SPAG16: variants seen among roughly 807,000 people sequenced by gnomAD.
The protein encoded by SPAG16 is sperm-associated antigen 16 protein.
A neutral mutation model predicts 80.4 loss-of-function variants in SPAG16; 86 were observed. The ratio of observed to expected loss-of-function variants is 1.07; its 90% CI spans 0.90 to 1.28. The LOEUF (loss-of-function observed/expected upper bound fraction) is 1.28. Among genes scored for constraint, SPAG16 ranks in the 50% most tolerant of loss-of-function variants. The pLI is 0.00. For missense variants in SPAG16, 870 were observed against 765.3 expected, an observed-to-expected ratio of 1.14 and a Z score of -1.61; for synonymous variants, 294 against 265.9, an observed-to-expected ratio of 1.11 and a Z score of -1.03.
chr2:214,179,502 G>T (rs756278671), intron 15 of SPAG16, among the ~76,000 whole-genome samples: 13 of 151,316 alleles, frequency 8.6e-5, no homozygotes, highest in Non-Finnish European at 1.9e-4. Context: ...ACAAAGAATT[G>T]CTCCATGACG....
intron 9 of SPAG16, among the ~76,000 whole-genome samples, chr2:213,469,574 T>G (rs993127389): frequency 8.0e-6 from 1 of 124,368 alleles, no homozygotes; most frequent in African/African-American, 4.3e-5. Context: ...CAGCAGGTTT[T>G]TTTTTTTTTT....
intron 10 of SPAG16, among the ~76,000 whole-genome samples, chr2:213,767,231 A>AT (rs2068984902): frequency 1.3e-5 from 2 of 152,200 alleles, no homozygotes; most frequent in Admixed American, 1.3e-4. Context: ...TATATGTTCT[A>AT]TTATCCAAGT....
At chr2:213,502,984 T>A (rs528185522) in intron 10 of SPAG16, among the ~76,000 whole-genome samples, 1 of 152,198 alleles carries the variant, frequency 6.6e-6, no homozygotes. Context: ...GGGTCAAATA[T>A]AGGTGAGTTT....
At chr2:213,702,298 A>C (rs887387428) in intron 10 of SPAG16, among the ~76,000 whole-genome samples, 1 of 152,222 alleles carries the variant, frequency 6.6e-6, no homozygotes. Context: ...AGGCTGCCCG[A>C]GCCAGCTGCG....
chr2:213,728,674 G>A (rs567619557), intron 10 of SPAG16, among the ~76,000 whole-genome samples: 4 of 151,962 alleles, frequency 2.6e-5, no homozygotes, highest in Admixed American at 2.0e-4. Context: ...TCAGGAGATC[G>A]AGACCATCCT....
At chr2:214,186,524 C>A (rs1241586894) in intron 15 of SPAG16, among the ~76,000 whole-genome samples, 1 of 152,020 alleles carries the variant, frequency 6.6e-6, no homozygotes, top group Non-Finnish European at 1.5e-5. Flanking sequence ...ACAGATGAAT[C>A]TGTAGAATCT....
At chr2:213,790,714 T>C (rs749643667) in intron 10 of SPAG16, among the ~76,000 whole-genome samples, 6 of 152,056 alleles carry the variant, frequency 3.9e-5, no homozygotes, top group Non-Finnish European at 8.8e-5. Flanking sequence ...TCTAAGTGTG[T>C]GCATGTGTGT....
At chr2:213,312,306 C>A (rs2063223427) in intron 4 of SPAG16, among the ~76,000 whole-genome samples, 1 of 151,522 alleles carries the variant, frequency 6.6e-6, no homozygotes, top group Non-Finnish European at 1.5e-5. Flanking sequence ...ATTTATATGC[C>A]TATTTTAGAA....
chr2:214,364,330 A>G (rs1337462130), intron 15 of SPAG16, among the ~76,000 whole-genome samples: 1 of 152,126 alleles, frequency 6.6e-6, no homozygotes, highest in Non-Finnish European at 1.5e-5. Context: ...GTACTTGTAC[A>G]AATAGCTCAA....
At chr2:214,042,499 G>A (rs2049091778) in intron 13 of SPAG16, among the ~76,000 whole-genome samples, 1 of 152,034 alleles carries the variant, frequency 6.6e-6, no homozygotes, top group East Asian at 1.9e-4. Context: ...CATGTTTGAG[G>A]CTTCATATTC....
chr2:213,939,560 T>C (rs1170021233), intron 12 of SPAG16, among the ~76,000 whole-genome samples: 1 of 152,208 alleles, frequency 6.6e-6, no homozygotes, highest in Non-Finnish European at 1.5e-5. Flanking sequence ...CAAGCCTTCT[T>C]ATCTTTACAA....
chr2:213,436,316 G>A lies in SPAG16; in HGVS notation c.943-53647G>A, dbSNP rs532134823. On this transcript the variant is annotated intron_variant, in intron 9 of 15. Transcript: ENST00000331683. ...AACGGATTGGGTAGAGTGGGATGAT[G>A]CAAAAGATTAGTCTTGTTTTCCTCT... 2.0e-5 allele frequency among the ~76,000 whole-genome samples: 3 copies of A among 152,282 alleles called. No homozygotes were observed. In the South Asian group the frequency reaches 6.2e-4, roughly 32 times the overall value.
intron 15 of SPAG16, among the ~76,000 whole-genome samples, chr2:214,353,865 C>T (rs1698585737): frequency 6.6e-6 from 1 of 152,062 alleles, no homozygotes; most frequent in Admixed American, 6.6e-5. Context: ...AGTATGGTAG[C>T]ATGTGTTTTG....
At chr2:213,906,158 T>G (rs1041150400) in intron 11 of SPAG16, among the ~76,000 whole-genome samples, 5 of 141,354 alleles carry the variant, frequency 3.5e-5, no homozygotes, top group Non-Finnish European at 7.8e-5. Context: ...CCCTGCCACA[T>G]TCACCCTTAG....
chr2:213,972,258 T>C (rs1039427814), intron 12 of SPAG16, among the ~76,000 whole-genome samples: 9 of 150,642 alleles, frequency 6.0e-5, no homozygotes, highest in African/African-American at 1.9e-4. Context: ...CCATAGGAGA[T>C]ATATATTTAT....
intron 9 of SPAG16, among the ~76,000 whole-genome samples, chr2:213,448,186 C>T (rs796886633): frequency 6.6e-6 from 1 of 152,332 alleles, no homozygotes; most frequent in South Asian, 2.1e-4. Context: ...TAATGAGTCT[C>T]GAACATCGCA....
intron 9 of SPAG16, among the ~76,000 whole-genome samples, chr2:213,424,497 A>C (rs914163679): frequency 1.1e-4 from 16 of 152,336 alleles, no homozygotes; most frequent in Non-Finnish European, 2.1e-4. Flanking sequence ...ATTAGTAAAA[A>C]TGAGATCTTT....
chr2:213,713,961 T>A (rs1476407741), intron 10 of SPAG16, among the ~76,000 whole-genome samples: 2 of 152,134 alleles, frequency 1.3e-5, no homozygotes, highest in African/African-American at 2.4e-5. Flanking sequence ...CAAAGAACAA[T>A]GATAACAAAC....
intron 15 of SPAG16, among the ~76,000 whole-genome samples, chr2:214,309,324 A>G (rs1208405143): frequency 6.6e-6 from 1 of 152,130 alleles, no homozygotes; most frequent in African/African-American, 2.4e-5. Context: ...GCACTGGGTT[A>G]CAATGTACTC....
Sources: gnomAD v4.1 joint callset for allele counts (sites outside exome capture counted in the v4.1 genomes callset) on GRCh38, gnomAD v4.1.1 for gene constraint, MANE v1.5 for transcripts, NCBI Gene and HGNC (gene_info 2026-07-23, HGNC 2026-07-21) for gene names.